Variants in STRBP observed in about 807,000 individuals in gnomAD.
The protein encoded by STRBP is spermatid perinuclear RNA-binding protein.
A neutral mutation model predicts 80.1 loss-of-function variants in STRBP; 13 were observed. The observed-to-expected ratio is 0.16, with a 90% CI of 0.11 to 0.26. The LOEUF (loss-of-function observed/expected upper bound fraction) is 0.26, where lower values mean the gene tolerates loss of function less well. Among genes scored for constraint, STRBP ranks in the 10% least tolerant of loss-of-function variants. The probability of loss-of-function intolerance (pLI) is 1.00; values close to 1 mark genes in which losing one functional copy is unlikely to be tolerated. For missense variants in STRBP, 485 were observed against 815.2 expected, an observed-to-expected ratio of 0.59 and a Z score of 4.93; for synonymous variants, 284 against 291.2, an observed-to-expected ratio of 0.98 and a Z score of 0.25.
chr9:123,225,056 G>C (rs1463781213), intron 2 of STRBP, among the ~76,000 whole-genome samples: 1 of 152,136 alleles, frequency 6.6e-6, no homozygotes, highest in Admixed American at 6.5e-5. Context: ...TGAAAGAAAT[G>C]CTGAAAGAAA....
chr9:123,236,359 C>T (rs1403741449), intron 2 of STRBP, among the ~76,000 whole-genome samples: 2 of 151,766 alleles, frequency 1.3e-5, no homozygotes, highest in Non-Finnish European at 2.9e-5. Flanking sequence ...GTCACTTTAC[C>T]GTAAGCAAGT....
intron 2 of STRBP, among the ~76,000 whole-genome samples, chr9:123,213,268 C>T (rs1277336772): frequency 6.6e-6 from 1 of 152,196 alleles, no homozygotes; most frequent in African/African-American, 2.4e-5. Context: ...GGTGTTTTCT[C>T]AGTATGCAAC....
chr9:123,178,495 C>A (rs1307243866), intron 4 of STRBP, among the ~76,000 whole-genome samples: 1 of 152,102 alleles, frequency 6.6e-6, no homozygotes, highest in Non-Finnish European at 1.5e-5. Flanking sequence ...TTTATCCAAT[C>A]CACAAATATA....
chr9:123,171,640 A>G (rs1220579399), intron 5 of STRBP, among the ~76,000 whole-genome samples: 1 of 152,184 alleles, frequency 6.6e-6, no homozygotes, highest in Non-Finnish European at 1.5e-5. Context: ...TACAATCATC[A>G]TCCCCATTTT....
intron 2 of STRBP, among the ~76,000 whole-genome samples, chr9:123,231,472 C>T (rs1296680579): frequency 6.6e-6 from 1 of 152,154 alleles, no homozygotes; most frequent in Non-Finnish European, 1.5e-5. Context: ...AAACAGTACC[C>T]TCATAGTTAT....
intron 4 of STRBP, among the ~76,000 whole-genome samples, chr9:123,175,281 AGCAAG>A (rs1006180081): frequency 5.9e-5 from 9 of 152,260 alleles, no homozygotes; most frequent in Non-Finnish European, 1.0e-4. Context: ...AGAGATGTCA[AGCAAG>A]GCAAACTGAA....
intron 2 of STRBP, among the ~76,000 whole-genome samples, chr9:123,194,633 A>T (rs2039033408): frequency 6.6e-6 from 1 of 152,024 alleles, no homozygotes; most frequent in African/African-American, 2.4e-5. Flanking sequence ...TTCTCTCTTA[A>T]AACCATCCCA....
intron 2 of STRBP, among the ~76,000 whole-genome samples, chr9:123,198,024 G>T (rs2039168931): frequency 6.6e-6 from 1 of 152,036 alleles, no homozygotes; most frequent in Non-Finnish European, 1.5e-5. Flanking sequence ...GTATCTCACT[G>T]TGGTTTTAAT....
chr9:123,257,846 T>C (rs2041068722), intron 1 of STRBP, among the ~76,000 whole-genome samples: 1 of 151,662 alleles, frequency 6.6e-6, no homozygotes, highest in African/African-American at 2.4e-5. Flanking sequence ...TATATATATA[T>C]AACTTATACA....
chr9:123,142,476 T>G (rs1458928019), intron 13 of STRBP, among the ~76,000 whole-genome samples: 6 of 152,204 alleles, frequency 3.9e-5, no homozygotes, highest in Non-Finnish European at 7.3e-5. Context: ...TACTTCTTTA[T>G]AGCAGTGCAA....
chr9:123,146,719 C>A, intron 13 of STRBP, 136 bp downstream of exon 13: 1 of 767,040 alleles, frequency 1.3e-6, no homozygotes, highest in South Asian at 4.1e-5. Flanking sequence ...CTTTGTTATC[C>A]AGAAGTAACA....
At chr9:123,243,045 T>A (rs532883626) in intron 1 of STRBP, among the ~76,000 whole-genome samples, 2 of 152,008 alleles carry the variant, frequency 1.3e-5, no homozygotes, top group Admixed American at 1.3e-4. Context: ...ATTGGAGAAA[T>A]TCTACCAAAT....
chr9:123,206,192 T>C (rs2039507517), intron 2 of STRBP, among the ~76,000 whole-genome samples: 2 of 152,224 alleles, frequency 1.3e-5, no homozygotes, highest in African/African-American at 4.8e-5. Flanking sequence ...TATGATTCTA[T>C]GATACACGAG....
intron 2 of STRBP, 25 bp downstream of exon 2, chr9:123,236,805 A>G (rs935592282): frequency 6.6e-6 from 1 of 152,138 alleles, no homozygotes; most frequent in Admixed American, 6.6e-5. Context: ...CGAAGGGAAT[A>G]CCATCACTTA....
At chr9:123,215,679 G>A (rs1227092019) in intron 2 of STRBP, among the ~76,000 whole-genome samples, 2 of 152,126 alleles carry the variant, frequency 1.3e-5, no homozygotes, top group African/African-American at 2.4e-5. Context: ...TAGATACAGG[G>A]GAGGCAGAGG....
chr9:123,137,303 G>C (rs957011862), intron 14 of STRBP, among the ~76,000 whole-genome samples: 4 of 152,232 alleles, frequency 2.6e-5, no homozygotes, highest in African/African-American at 9.6e-5. Flanking sequence ...GAAACCAAAA[G>C]ATAGGGCACT....
intron 1 of STRBP, among the ~76,000 whole-genome samples, chr9:123,245,124 A>G (rs2040773410): frequency 2.0e-5 from 3 of 152,262 alleles, no homozygotes; most frequent in Non-Finnish European, 4.4e-5. Flanking sequence ...TGGATTACTC[A>G]GTACATTATT....
downstream of STRBP, among the ~76,000 whole-genome samples, chr9:123,119,378 A>C: frequency 7.9e-6 from 1 of 127,206 alleles, no homozygotes; most frequent in Non-Finnish European, 1.7e-5. Context: ...GCACCCTTAA[A>C]TCCCACCCCC....
At chr9:123,232,843 C>T (rs1010198526) in intron 2 of STRBP, among the ~76,000 whole-genome samples, 22 of 152,210 alleles carry the variant, frequency 1.4e-4, no homozygotes, top group African/African-American at 4.8e-4. Flanking sequence ...TAAGGAAGAC[C>T]GATTATCTGT....
Sources: allele counts gnomAD v4.1 joint callset (sites outside exome capture counted in the v4.1 genomes callset), GRCh38; gene constraint gnomAD v4.1.1; transcripts MANE v1.5; gene names NCBI Gene and HGNC (gene_info 2026-07-23, HGNC 2026-07-21).